MSI2: variants seen among roughly 807,000 people sequenced by gnomAD.
MSI2 encodes the protein musashi RNA binding protein 2.
MSI2 carries 17 observed loss-of-function variants against 45.6 expected under a neutral mutation model. The observed-to-expected ratio is 0.37, with a 90% CI of 0.26 to 0.56. MSI2 has a LOEUF of 0.56. MSI2 is among the 20% of genes least tolerant of loss of function. The pLI is 0.77. For synonymous variants in MSI2, 156 were observed against 158.2 expected (o/e 0.99, Z 0.11); for missense variants, 293 against 444.2 (o/e 0.66, Z 3.06).
At chr17:57,689,926 A>C in the MSI2 span, among the ~76,000 whole-genome samples, 3 of 152,180 alleles carry the variant, frequency 2.0e-5, no homozygotes, top group Non-Finnish European at 4.4e-5. Flanking sequence ...GTTTTTGGCA[A>C]TTATATATAA....
At chr17:57,608,559 TC>T (rs1372962196) in intron 8 of MSI2, 3 of 152,538 alleles carry the variant, frequency 2.0e-5, no homozygotes, top group Non-Finnish European at 2.9e-5. Flanking sequence ...AGTGCCAGCT[TC>T]CTGGGTGTAA....
At chr17:57,477,273 A>G in intron 6 of MSI2, among the ~76,000 whole-genome samples, 1 of 151,492 alleles carries the variant, frequency 6.6e-6, no homozygotes, top group Middle Eastern at 3.2e-3. Context: ...GCCCCACCGA[A>G]GGAATCTCTT....
intron 7 of MSI2, among the ~76,000 whole-genome samples, chr17:57,540,312 C>G (rs143100129): frequency 2.0e-5 from 3 of 152,102 alleles, no homozygotes; most frequent in South Asian, 4.2e-4. Context: ...GTCATTACTT[C>G]GGGAATGGAG....
chr17:57,369,305 T>C (rs1904497949), intron 5 of MSI2, among the ~76,000 whole-genome samples: 1 of 152,178 alleles, frequency 6.6e-6, no homozygotes, highest in South Asian at 2.1e-4. Context: ...TCTATCAACC[T>C]ACAGTGGGGA....
rs190385162 is a variant in MSI2, at chr17:57,664,759, G to A, written c.791-10213G>A. On this transcript the variant is annotated intron_variant, in intron 11 of 13. Coordinates refer to ENST00000284073, the MANE Select transcript of MSI2 (RefSeq NM_138962.4). ...TCTTAGGGTTTGATTCTGTGTGGAT[G>A]GTATTCATGAATAATAGTGGACCTG... Among the ~76,000 whole-genome samples the A allele has an allele frequency of 2.6e-5, 4 of 152,284 alleles. No homozygotes were observed. In the East Asian group the frequency reaches 7.7e-4, roughly 29 times the overall value.
intron 5 of MSI2, among the ~76,000 whole-genome samples, chr17:57,286,609 C>T (rs1431498796): frequency 1.2e-4 from 18 of 151,882 alleles, no homozygotes; most frequent in Admixed American, 1.2e-3. Flanking sequence ...CATTGGTATC[C>T]GGGCTCCATA....
At chr17:57,356,524 C>T (rs555611551) in intron 5 of MSI2, among the ~76,000 whole-genome samples, 5 of 152,244 alleles carry the variant, frequency 3.3e-5, no homozygotes, top group African/African-American at 4.8e-5. Context: ...ATCCCCCCTC[C>T]CCCAAAGACG....
chr17:57,648,572 G>A (rs1910877330), intron 10 of MSI2, among the ~76,000 whole-genome samples: 1 of 152,156 alleles, frequency 6.6e-6, no homozygotes, highest in African/African-American at 2.4e-5. Flanking sequence ...ATTGGCCAGG[G>A]AAGCTATGTT....
chr17:57,491,593 G>A (rs2085872944), intron 6 of MSI2, among the ~76,000 whole-genome samples: 1 of 152,200 alleles, frequency 6.6e-6, no homozygotes, highest in African/African-American at 2.4e-5. Flanking sequence ...CTCTTTGGGA[G>A]GGCCTGGGGT....
intron 5 of MSI2, among the ~76,000 whole-genome samples, chr17:57,375,445 G>T (rs537800195): frequency 1.1e-4 from 16 of 152,210 alleles, no homozygotes; most frequent in Admixed American, 4.6e-4. Flanking sequence ...GGTGGGTGAA[G>T]CCTTGCCAGG....
chr17:57,256,723 G>C lies in MSI2; in HGVS notation c.-20G>C. 1.7e-6 allele frequency: 1 copy of C among 603,404 alleles called. No individual in the cohort carries two copies. Among genetic ancestry groups the C allele is most frequent in the Non-Finnish European group, 2.4e-6 (1 of 410,976 alleles). 37.4% of individuals were successfully genotyped at this position (603,404 alleles called of 1,614,324 possible). A position where few individuals can be genotyped will look rare whatever the true frequency, so the allele number is the denominator to read the frequency against. On this transcript the variant is annotated 5_prime_UTR_variant, in exon 1 of 14. Transcript: ENST00000284073. ...GTGGGGCTTGGTTTTTTGGGGGTGG[G>C]GGGGCGGGGGGGCTCAGATATGGAG...
intron 11 of MSI2, among the ~76,000 whole-genome samples, chr17:57,658,693 G>A (rs953207737): frequency 6.6e-6 from 1 of 152,250 alleles, no homozygotes; most frequent in Non-Finnish European, 1.5e-5. Flanking sequence ...AAAGTGAATG[G>A]AGTGGGGGAA....
chr17:57,484,234 G>C (rs115774972), intron 6 of MSI2, among the ~76,000 whole-genome samples: 1 of 152,092 alleles, frequency 6.6e-6, no homozygotes, highest in East Asian at 1.9e-4. Context: ...GCAGATGCCC[G>C]TAGGACTTCA....
intron 6 of MSI2, among the ~76,000 whole-genome samples, chr17:57,419,084 T>G (rs904344061): frequency 6.6e-6 from 1 of 152,064 alleles, no homozygotes; most frequent in Non-Finnish European, 1.5e-5. Context: ...GCAGGTAGAG[T>G]GTGAAATTAA....
chr17:57,468,824 C>A (rs555679275), intron 6 of MSI2, among the ~76,000 whole-genome samples: 1 of 152,054 alleles, frequency 6.6e-6, no homozygotes, highest in African/African-American at 2.4e-5. Context: ...GGATGGCGAG[C>A]GCTGGGGAGA....
intron 6 of MSI2, among the ~76,000 whole-genome samples, chr17:57,460,801 G>A (rs2085211833): frequency 1.3e-5 from 2 of 152,258 alleles, no homozygotes; most frequent in East Asian, 3.9e-4. Flanking sequence ...AGCCGAGAAG[G>A]GAGAGGAGCT....
At chr17:57,474,097 G>A (rs1018998936) in intron 6 of MSI2, among the ~76,000 whole-genome samples, 5 of 152,090 alleles carry the variant, frequency 3.3e-5, no homozygotes, top group East Asian at 1.9e-4. Flanking sequence ...ACTCTCACGC[G>A]AAGTTGGGGG....
At chr17:57,464,989 TCTTATAC>T (rs1302063355) in intron 6 of MSI2, among the ~76,000 whole-genome samples, 1 of 152,188 alleles carries the variant, frequency 6.6e-6, no homozygotes, top group Non-Finnish European at 1.5e-5. Flanking sequence ...ACAGCACTCA[TCTTATAC>T]CTGCCCTGGG....
chr17:57,520,473 T>C (rs76648575), intron 6 of MSI2, among the ~76,000 whole-genome samples: 2,024 of 152,280 alleles, frequency 0.013, 41 homozygotes, highest in African/African-American at 0.046. Context: ...AATTAAGGGC[T>C]GTAAAGGTCT....
Sources: allele counts gnomAD v4.1 joint callset (sites outside exome capture counted in the v4.1 genomes callset), GRCh38; gene constraint gnomAD v4.1.1; transcripts MANE v1.5; gene names NCBI Gene and HGNC (gene_info 2026-07-23, HGNC 2026-07-21).